Variants in TMEM52B observed in about 807,000 individuals in gnomAD.
TMEM52B encodes transmembrane protein 52B.
A neutral mutation model predicts 16.1 loss-of-function variants in TMEM52B; 11 were observed. The observed-to-expected ratio is 0.68, with a 90% CI of 0.43 to 1.13. The LOEUF is 1.13. Among genes scored for constraint, TMEM52B ranks in the 50% most tolerant of loss-of-function variants. The probability of loss-of-function intolerance (pLI) is 0.00; values close to 1 mark genes in which losing one functional copy is unlikely to be tolerated. For synonymous variants in TMEM52B, 101 were observed against 93.8 expected, an observed-to-expected ratio of 1.08 and a Z score of -0.45; for missense variants, 243 against 230.4, an observed-to-expected ratio of 1.05 and a Z score of -0.35.
intron 3 of TMEM52B, among the ~76,000 whole-genome samples, chr12:10,186,060 G>A (rs1386260653): frequency 1.3e-5 from 2 of 151,572 alleles, no homozygotes; most frequent in Admixed American, 6.6e-5. Context: ...AAAATTAGTC[G>A]AGTGTGGTGG....
At position 10,182,589 on chromosome 12, in the gene TMEM52B, G is replaced by C. The variant is rs1282554409; in HGVS notation, c.94G>C (p.Glu32Gln). ...TRCEENCGNP[E>Q]HCLTTDWVHL... is the part of the protein sequence containing the mutation. Reference sequence around the variant, plus strand: ...ATGTGAGGAAAACTGTGGTAATCCTGAACAGTAAGTATAGAGTTCAAGCTG... The same window carrying C: ...ATGTGAGGAAAACTGTGGTAATCCTCAACAGTAAGTATAGAGTTCAAGCTG... The change falls in exon 2 of 5, where the codon GAA becomes CAA. Residue 32 changes from glutamate (E) to glutamine (Q), a missense_variant. Physicochemically the swap from Glu to Gln is conservative, Grantham distance 29. Transcript: ENST00000543484. 6.5e-7 allele frequency: 1 copy of C among 1,535,170 alleles called. No homozygotes were observed. The highest frequency in any genetic ancestry group is 2.0e-5 in the Admixed American group (1 of 50,938).
intron 1 of TMEM52B, among the ~76,000 whole-genome samples, chr12:10,181,770 T>C (rs1948825694): frequency 6.7e-6 from 1 of 150,108 alleles, no homozygotes; most frequent in Admixed American, 6.6e-5. Flanking sequence ...ACACCTGTAA[T>C]CCCAACAGCA....
At chr12:10,172,090 G>C (rs1344403652) in intron 1 of TMEM52B, 1 of 1,606,548 alleles carries the variant, frequency 6.2e-7, no homozygotes, top group East Asian at 2.2e-5. Flanking sequence ...CCAAATTCAA[G>C]CTAAGAATGA....
chr12:10,181,379 G>C (rs889083655), intron 1 of TMEM52B, among the ~76,000 whole-genome samples: 6 of 151,820 alleles, frequency 4.0e-5, no homozygotes, highest in East Asian at 2.0e-4. Context: ...GCCTAGGCTG[G>C]AGTGCAGTGG....
chr12:10,170,580 C>A (rs1210087235), exon 1 of TMEM52B: 1 of 151,512 alleles, frequency 6.6e-6, no homozygotes, highest in Non-Finnish European at 1.5e-5. Context: ...CAACCTCCGC[C>A]TCCTGGGTTC....
chr12:10,179,813 G>GATGGCA (rs1470357315), intron 1 of TMEM52B, among the ~76,000 whole-genome samples, 185 bp downstream of exon 1: 1 of 152,200 alleles, frequency 6.6e-6, no homozygotes, highest in African/African-American at 2.4e-5. Context: ...ATGTGTGACT[G>GATGGCA]ATGGCAATGA....
Position 10,186,567 on chromosome 12 carries a change from C to T in TMEM52B, c.285C>T (p.Ser95=). 1 of 1,602,352 alleles carries T rather than the reference C, an allele frequency of 6.2e-7. No individual in the cohort carries two copies. Among genetic ancestry groups the T allele is most frequent in the Non-Finnish European group, 8.5e-7 (1 of 1,171,434 alleles). Residue 95 remains serine, a synonymous_variant, in exon 4 of 5, where the codon AGC becomes AGT. Transcript: ENST00000543484. ...CCGTCATTGCTTTCGATCACGACAG[C>T]ACTCTCCAGAGCACTATCACATGTG... ...EVTVIAFDHD[S]TLQSTITSLQ...
chr12:10,171,899 C>T, intron 1 of TMEM52B: 6 of 754,564 alleles, frequency 8.0e-6, no homozygotes, highest in South Asian at 1.7e-5. Flanking sequence ...TCTATTTTCC[C>T]ATACTTGGGT....
In TMEM52B at chr12:10,185,360, G is replaced by C. The variant is rs1269562821; in HGVS notation, c.129G>C (p.Trp43Cys). ...TGACCACAGACTGGGTACATCTCTGGTATATATGGTAAGTTTCACTTATAA... is the reference window on the plus strand; with the variant it reads ...TGACCACAGACTGGGTACATCTCTGCTATATATGGTAAGTTTCACTTATAA... ...HCLTTDWVHLWYIWLLVVIGA... is the reference protein window; with the variant it reads ...HCLTTDWVHLCYIWLLVVIGA... Residue 43 changes from tryptophan (W) to cysteine (C), a missense_variant, in exon 3 of 5, where the codon TGG becomes TGC. Transcript: ENST00000543484. 1 of 1,607,630 alleles carries C rather than the reference G, an allele frequency of 6.2e-7. No individual in the cohort carries two copies. Among genetic ancestry groups the C allele is most frequent in the Non-Finnish European group, 8.5e-7 (1 of 1,174,156 alleles).
chr12:10,176,934 A>C (rs1415030839), upstream of TMEM52B, among the ~76,000 whole-genome samples: 1 of 152,200 alleles, frequency 6.6e-6, no homozygotes, highest in Non-Finnish European at 1.5e-5. Flanking sequence ...CTTTCTGTCA[A>C]GAAAAAGAGA....
rs1180383945 is a variant in TMEM52B, at chr12:10,191,312, C to T, written c.*1172C>T. The T allele has an allele frequency of 6.6e-6, 1 of 152,090 alleles. No individual in the cohort carries two copies. The highest frequency in any genetic ancestry group is 6.6e-5 in the Admixed American group (1 of 15,266). 9.4% of individuals were successfully genotyped at this position (152,090 alleles called of 1,614,324 possible). ...CTCAGCTCACTGTAACCTCCACCTCCCGGATTCAAGCAATTCTTCTGCCTC... is the reference window on the plus strand; with the variant it reads ...CTCAGCTCACTGTAACCTCCACCTCTCGGATTCAAGCAATTCTTCTGCCTC... On this transcript the variant is annotated 3_prime_UTR_variant, in exon 5 of 5. Coordinates refer to ENST00000543484, the MANE Select transcript of TMEM52B (RefSeq NM_001384896.1).
At chr12:10,173,551 G>C (rs35566137) in intron 1 of TMEM52B, among the ~76,000 whole-genome samples, 12,627 of 151,802 alleles carry the variant, frequency 0.083, 1,464 homozygotes, top group African/African-American at 0.26. Flanking sequence ...AAGCTGAGGG[G>C]GGGGGTGGAT....
At chr12:10,171,223 T>C (rs931282002) in intron 1 of TMEM52B, among the ~76,000 whole-genome samples, 1 of 152,252 alleles carries the variant, frequency 6.6e-6, no homozygotes, top group Admixed American at 6.5e-5. Flanking sequence ...TTTTTGGAAA[T>C]GTAATTTGGA....
At position 10,173,133 on chromosome 12, in the gene TMEM52B, C is replaced by T. The variant is rs767883888; in HGVS notation, c.-95+2282C>T. On this transcript the variant is annotated intron_variant, in intron 1 of 5. Coordinates refer to the TMEM52B transcript ENST00000381923. ...CCATGATTGACTCATGTCACAAAGACGCTTACATGAGAGACCCATAAGTAT... is the reference window on the plus strand; with the variant it reads ...CCATGATTGACTCATGTCACAAAGATGCTTACATGAGAGACCCATAAGTAT... Among the ~76,000 whole-genome samples the T allele has an allele frequency of 7.6e-4, 116 of 152,094 alleles. 1 individual carries two copies. The highest frequency in any genetic ancestry group is 4.5e-3 in the Admixed American group (69 of 15,264).
intron 1 of TMEM52B, 137 bp from the exon 2 acceptor site, chr12:10,182,413 C>G: frequency 7.4e-7 from 1 of 1,349,730 alleles, no homozygotes; most frequent in Non-Finnish European, 9.6e-7. Context: ...AATGGCAGTC[C>G]TAAATAGACT....
chr12:10,174,561 A>C (rs1404038806), upstream of TMEM52B, among the ~76,000 whole-genome samples: 4 of 152,218 alleles, frequency 2.6e-5, no homozygotes, highest in East Asian at 7.7e-4. Flanking sequence ...ATGGACTGGA[A>C]CTCAGCCATC....
intron 1 of TMEM52B, chr12:10,172,308 T>G (rs41401144): frequency 3.0e-4 from 131 of 431,776 alleles, no homozygotes; most frequent in African/African-American, 2.5e-3. Context: ...TGAAGGTGTT[T>G]CAGGATATTT....
intron 1 of TMEM52B, chr12:10,172,199 T>C: frequency 1.5e-6 from 1 of 671,414 alleles, no homozygotes; most frequent in African/African-American, 1.8e-5. Flanking sequence ...AATGACTCAA[T>C]CATTGGTAGG....
upstream of TMEM52B, among the ~76,000 whole-genome samples, chr12:10,176,452 C>T (rs1948766242): frequency 6.6e-6 from 1 of 152,012 alleles, no homozygotes; most frequent in Non-Finnish European, 1.5e-5. Context: ...GCAATGCGAG[C>T]GGGGAGTCAT....
Sources: allele counts gnomAD v4.1 joint callset (sites outside exome capture counted in the v4.1 genomes callset), GRCh38; gene constraint gnomAD v4.1.1; transcripts MANE v1.5; gene names NCBI Gene and HGNC (gene_info 2026-07-23, HGNC 2026-07-21).